Variants in DLC1 observed in about 807,000 individuals in gnomAD.
The protein encoded by DLC1 is rho GTPase-activating protein 7.
In DLC1, 54 loss-of-function variants were observed where a neutral mutation model predicts 140.3. That is an observed-to-expected ratio of 0.38 (90% CI 0.31 to 0.48). The LOEUF is 0.48. Among genes scored for constraint, DLC1 ranks in the 20% least tolerant of loss-of-function variants. The probability of loss-of-function intolerance (pLI) is 0.96; values close to 1 mark genes in which losing one functional copy is unlikely to be tolerated. For synonymous variants in DLC1, 986 were observed against 728.1 expected, an observed-to-expected ratio of 1.35 and a Z score of -5.70; for missense variants, 2,536 against 1,907.0, an observed-to-expected ratio of 1.33 and a Z score of -6.14.
At chr8:13,406,181 G>GTTT (rs77753653) in intron 2 of DLC1, among the ~76,000 whole-genome samples, 1,823 of 84,900 alleles carry the variant, frequency 0.021, 98 homozygotes, top group South Asian at 0.049. Context: ...TAATTTTTGT[G>GTTT]TTTTTTTTTT....
intron 1 of DLC1, among the ~76,000 whole-genome samples, chr8:13,513,326 T>C (rs1461336543): frequency 3.3e-5 from 5 of 152,160 alleles, no homozygotes; most frequent in Non-Finnish European, 5.9e-5. Flanking sequence ...TCCACATATA[T>C]AAAAAGTAGA....
intron 2 of DLC1, among the ~76,000 whole-genome samples, chr8:13,436,837 G>C (rs1350831121): frequency 6.6e-6 from 1 of 151,866 alleles, no homozygotes; most frequent in Non-Finnish European, 1.5e-5. Context: ...TTGACTACTG[G>C]GTGCTCACAC....
intron 4 of DLC1, among the ~76,000 whole-genome samples, chr8:13,371,136 T>A (rs1305241568): frequency 6.6e-6 from 1 of 152,214 alleles, no homozygotes; most frequent in Non-Finnish European, 1.5e-5. Context: ...GTGGTCTTGT[T>A]TTTTTCCTTG....
chr8:13,093,932 T>C (rs1818290214), intron 12 of DLC1, among the ~76,000 whole-genome samples: 1 of 152,248 alleles, frequency 6.6e-6, no homozygotes, highest in Non-Finnish European at 1.5e-5. Flanking sequence ...CTTTAAGCTT[T>C]ACATAAAAGT....
chr8:13,525,737 A>G (rs1023038716), intron 1 of DLC1, among the ~76,000 whole-genome samples: 1 of 152,072 alleles, frequency 6.6e-6, no homozygotes, highest in African/African-American at 2.4e-5. Context: ...CATGTAGGTG[A>G]TTTGCAAATA....
rs867248333 is a variant in DLC1, at chr8:13,121,392, C to T, written c.1349-5735G>A. Among the ~76,000 whole-genome samples, 10 of 152,086 alleles carry T rather than the reference C, an allele frequency of 6.6e-5. No individual in the cohort carries two copies. The East Asian group carries it at 7.7e-4, about 12-fold the overall frequency. ...GGCAGGAATGTTGTGCAGGTGGATA[C>T]GATGGTTTTAATTACAACCCATCTT... is the stretch of plus-strand genomic sequence containing the variant. On this transcript the variant is annotated intron_variant, in intron 5 of 17. Transcript: ENST00000276297.
chr8:13,257,895 A>G (rs73557914), intron 5 of DLC1, among the ~76,000 whole-genome samples: 19,801 of 152,242 alleles, frequency 0.13, 1,353 homozygotes, highest in South Asian at 0.24. Flanking sequence ...GCATTTTATC[A>G]AAGCAATGAA....
At chr8:13,520,276 T>C (rs1445952055) in intron 1 of DLC1, among the ~76,000 whole-genome samples, 2 of 152,216 alleles carry the variant, frequency 1.3e-5, no homozygotes, top group Non-Finnish European at 2.9e-5. Context: ...ATATACACCA[T>C]GGAATACTAT....
intron 4 of DLC1, among the ~76,000 whole-genome samples, chr8:13,314,902 C>T (rs952055955): frequency 1.3e-5 from 2 of 152,136 alleles, no homozygotes; most frequent in African/African-American, 4.8e-5. Flanking sequence ...TAGTGGTAAC[C>T]ACCCACAAAT....
chr8:13,402,394 T>C (rs1275342005), intron 2 of DLC1, among the ~76,000 whole-genome samples: 3 of 152,196 alleles, frequency 2.0e-5, no homozygotes, highest in Non-Finnish European at 4.4e-5. Context: ...GTCAATTAGT[T>C]CTAGGAATCT....
At chr8:13,288,389 A>AT (rs1162799309) in intron 5 of DLC1, among the ~76,000 whole-genome samples, 11 of 152,102 alleles carry the variant, frequency 7.2e-5, no homozygotes, top group Non-Finnish European at 1.5e-4. Context: ...GACCCATACC[A>AT]TTTTTCCACT....
rs3779994 is a variant in DLC1, at chr8:13,101,201, G to A, written c.1567-431C>T. Among the ~76,000 whole-genome samples, 95 of 152,336 alleles carry A rather than the reference G, an allele frequency of 6.2e-4. 1 individual carries two copies. The East Asian group carries it at 0.018, about 29-fold the overall frequency. ...GTTGGGATTACAGGCATGAGCCACA[G>A]TGCCCGGTGTTTTGTTTTGTTCTTT... is the stretch of plus-strand genomic sequence containing the variant. On this transcript the variant is annotated intron_variant, in intron 8 of 17. Transcript: ENST00000276297.
At chr8:13,339,671 A>T (rs186277160) in intron 4 of DLC1, 2 of 152,328 alleles carry the variant, frequency 1.3e-5, no homozygotes, top group East Asian at 3.9e-4. Flanking sequence ...ATTGCATGCC[A>T]AGTTTATTTG....
At chr8:13,222,819 C>G (rs1267352395) in intron 5 of DLC1, among the ~76,000 whole-genome samples, 1 of 152,148 alleles carries the variant, frequency 6.6e-6, no homozygotes, top group Non-Finnish European at 1.5e-5. Context: ...TCATAGCTCA[C>G]TGTAGCCACA....
chr8:13,591,303 C>A (rs937419853), intron 1 of DLC1, among the ~76,000 whole-genome samples: 1 of 152,108 alleles, frequency 6.6e-6, no homozygotes, highest in Non-Finnish European at 1.5e-5. Context: ...CCCCACATAT[C>A]ATGGGAGGGA....
At chr8:13,498,930 T>G (rs1801638936) in intron 2 of DLC1, 119 bp downstream of exon 2, 2 of 1,221,476 alleles carry the variant, frequency 1.6e-6, no homozygotes, top group Non-Finnish European at 2.2e-6. Flanking sequence ...ATTACACATC[T>G]GCATAACAGG....
At chr8:13,229,972 C>T (rs950515704) in intron 5 of DLC1, among the ~76,000 whole-genome samples, 1 of 152,176 alleles carries the variant, frequency 6.6e-6, no homozygotes, top group Non-Finnish European at 1.5e-5. Context: ...CTAAATAACA[C>T]GTTGGATAAA....
At chr8:13,267,319 C>CT (rs35952220) in intron 5 of DLC1, among the ~76,000 whole-genome samples, 1,705 of 145,100 alleles carry the variant, frequency 0.012, 26 homozygotes, top group African/African-American at 0.037. Context: ...TCTAGTTTAG[C>CT]TTTTTTTTTT....
chr8:13,358,320 A>T (rs964299132), intron 4 of DLC1, among the ~76,000 whole-genome samples: 3 of 152,178 alleles, frequency 2.0e-5, no homozygotes, highest in African/African-American at 7.2e-5. Flanking sequence ...ACTAAATTGG[A>T]TGTTGATTTC....
Sources: allele counts gnomAD v4.1 joint callset (sites outside exome capture counted in the v4.1 genomes callset), GRCh38; gene constraint gnomAD v4.1.1; transcripts MANE v1.5; gene names NCBI Gene and HGNC (gene_info 2026-07-23, HGNC 2026-07-21).